Variants in DNAH3 observed in about 807,000 individuals in gnomAD.
DNAH3 encodes dynein axonemal heavy chain 3.
A neutral mutation model predicts 432.5 loss-of-function variants in DNAH3; 332 were observed. The ratio of observed to expected loss-of-function variants is 0.77; its 90% CI spans 0.70 to 0.84. DNAH3 has a LOEUF of 0.84. DNAH3 is among the 40% of genes least tolerant of loss of function. DNAH3 has a pLI of 0.00. For missense variants in DNAH3, 4,861 were observed against 5,114.0 expected, an observed-to-expected ratio of 0.95 and a Z score of 1.51; for synonymous variants, 1,956 against 1,900.2, an observed-to-expected ratio of 1.03 and a Z score of -0.76.
In DNAH3 at chr16:21,022,049, G is replaced by A. The variant is rs768451764; in HGVS notation, c.5698C>T (p.Leu1900Phe). 38 of 1,614,020 alleles carry A rather than the reference G, an allele frequency of 2.4e-5. No individual in the cohort carries two copies. In the South Asian group the frequency reaches 3.0e-4, roughly 13 times the overall value. The change falls in exon 40 of 62, where the codon CTT becomes TTT. Residue 1900 changes from leucine to phenylalanine, a missense_variant. Coordinates refer to ENST00000261383, the Ensembl canonical transcript of DNAH3. Reference sequence around the variant, plus strand: ...GTCTGGACAACAAATTTACAATGAAGGCGACCAAATTCCAGGCAGGGCTGG... The same window carrying A: ...GTCTGGACAACAAATTTACAATGAAAGCGACCAAATTCCAGGCAGGGCTGG...
intron 14 of DNAH3, among the ~76,000 whole-genome samples, chr16:21,108,489 A>G (rs1034950334): frequency 1.3e-5 from 2 of 152,158 alleles, no homozygotes; most frequent in African/African-American, 4.8e-5. Flanking sequence ...CACGCCTGTA[A>G]TCCCAGCAGT....
chr16:20,965,403 C>T lies in DNAH3; in HGVS notation c.8481G>A (p.Trp2827Ter). ...CCCCAAGAATCTTTTTGGATACCCC[C>T]CAGTAATCTTCTATCATCTTACCTA... Residue 2827 changes from tryptophan to a stop codon, truncating the protein, a stop_gained, in exon 53 of 62, where the codon TGG (tryptophan) becomes TGA (stop). Transcript: ENST00000261383. LOFTEE classifies it high-confidence loss of function. 6 of 1,525,720 alleles carry T rather than the reference C, an allele frequency of 3.9e-6. No homozygotes were observed. Among genetic ancestry groups the T allele is most frequent in the Non-Finnish European group, 5.3e-6 (6 of 1,136,890 alleles). 94.5% of individuals were successfully genotyped at this position (1,525,720 alleles called of 1,614,324 possible).
intron 12 of DNAH3, among the ~76,000 whole-genome samples, chr16:21,113,242 G>A (rs2092113465): frequency 6.6e-6 from 1 of 152,168 alleles, no homozygotes; most frequent in East Asian, 1.9e-4. Flanking sequence ...CCCAGGGGGA[G>A]GTAGTTGAAT....
At chr16:21,014,052 A>T (rs2087744409) in intron 41 of DNAH3, among the ~76,000 whole-genome samples, 1 of 152,234 alleles carries the variant, frequency 6.6e-6, no homozygotes, top group Non-Finnish European at 1.5e-5. Flanking sequence ...TAGAGAAAAT[A>T]GAAGCAGAGG....
chr16:21,002,633 G>T (rs1377409846), intron 42 of DNAH3, among the ~76,000 whole-genome samples: 1 of 151,962 alleles, frequency 6.6e-6, no homozygotes, highest in Non-Finnish European at 1.5e-5. Context: ...AGCTAATTTT[G>T]TATTTTTAGT....
intron 57 of DNAH3, 111 bp from the exon 58 acceptor site, chr16:20,944,774 AGG>A: frequency 3.5e-6 from 3 of 856,366 alleles, no homozygotes; most frequent in Non-Finnish European, 5.5e-6. Context: ...TCAGTAGCAC[AGG>A]ACACACACAC....
chr16:21,060,199 C>T, intron 26 of DNAH3, 65 bp downstream of exon 26: 1 of 1,335,392 alleles, frequency 7.5e-7, no homozygotes, highest in South Asian at 1.2e-5. Context: ...GACACATGAA[C>T]CTTCTCCCCA....
chr16:21,050,083 C>G, intron 29 of DNAH3, 65 bp from the exon 30 acceptor site: 1 of 1,212,104 alleles, frequency 8.3e-7, no homozygotes, highest in Non-Finnish European at 1.2e-6. Flanking sequence ...ACCGGCTTTT[C>G]ATTTATTTTG....
chr16:21,132,716 T>C (rs1369658807), intron 7 of DNAH3, among the ~76,000 whole-genome samples: 1 of 152,100 alleles, frequency 6.6e-6, no homozygotes, highest in Non-Finnish European at 1.5e-5. Flanking sequence ...GAAAATCACT[T>C]AGTGGTTGGG....
intron 7 of DNAH3, 197 bp downstream of exon 8, chr16:21,134,062 G>A (rs1375738186): frequency 2.5e-5 from 13 of 527,656 alleles, no homozygotes; most frequent in Non-Finnish European, 4.0e-5. Context: ...GGGTGCCCTG[G>A]GGACACAAAG....
At chr16:21,118,436 T>C (rs944577813) in intron 11 of DNAH3, among the ~76,000 whole-genome samples, 8 of 144,786 alleles carry the variant, frequency 5.5e-5, no homozygotes, top group Non-Finnish European at 1.3e-4. Context: ...CTTCTTTTTA[T>C]TTATTTATTT....
At position 21,145,988 on chromosome 16, in the gene DNAH3, T is replaced by TA. The variant is rs1567872830; in HGVS notation, c.217dup (p.Tyr73LeufsTer36). The TA allele has an allele frequency of 9.3e-6, 15 of 1,607,186 alleles. No homozygotes were observed. Among genetic ancestry groups the TA allele is most frequent in the African/African-American group, 2.7e-5 (2 of 74,864 alleles). On this transcript the variant is annotated frameshift_variant, in exon 2 of 62. Coordinates refer to ENST00000261383, the Ensembl canonical transcript of DNAH3. LOFTEE classifies it high-confidence loss of function. ...CTGGCAGCCAGGTGTGCATACCTGA[T>TA]AGAGTCCAGACGGTTCCTCATTAGC... is the stretch of plus-strand genomic sequence containing the variant.
chr16:20,970,778 C>T (rs575452133), intron 51 of DNAH3, among the ~76,000 whole-genome samples: 1 of 151,744 alleles, frequency 6.6e-6, no homozygotes, highest in Non-Finnish European at 1.5e-5. Flanking sequence ...CAAACCATTG[C>T]GCTTGTGAAT....
chr16:21,145,340 A>G, exon 3 of DNAH3: 1 of 1,614,164 alleles, frequency 6.2e-7, no homozygotes, highest in Admixed American at 1.7e-5. Context: ...TGTTCTTTGA[A>G]GGGTGCAGCC....
intron 56 of DNAH3, among the ~76,000 whole-genome samples, chr16:20,951,738 ATTTTT>A (rs869256566): frequency 1.4e-5 from 1 of 73,460 alleles, no homozygotes; most frequent in Non-Finnish European, 2.7e-5. Context: ...CCTGGCCCGT[ATTTTT>A]TTTTTTTTTT....
At chr16:21,010,934 AAAC>A (rs1341082722) in intron 41 of DNAH3, among the ~76,000 whole-genome samples, 2 of 151,782 alleles carry the variant, frequency 1.3e-5, no homozygotes, top group Non-Finnish European at 2.9e-5. Context: ...TTTTTAAAAA[AAAC>A]AAGCTGCTGC....
exon 3 of DNAH3, chr16:21,145,388 A>C (rs774113189): frequency 6.2e-7 from 1 of 1,614,152 alleles, no homozygotes; most frequent in South Asian, 1.1e-5. Flanking sequence ...GGCGGGTAAA[A>C]GCTGTGTGAC....
chr16:21,021,962 A>G lies in DNAH3; in HGVS notation c.5776+9T>C, dbSNP rs940084673. Reference sequence around the variant, plus strand: ...CCCATGTGGCTTAAGAATCATGGCTAGCACTTACCAAGCAGAGAAGAGTAC... The same window carrying G: ...CCCATGTGGCTTAAGAATCATGGCTGGCACTTACCAAGCAGAGAAGAGTAC... On this transcript the variant is annotated intron_variant, in intron 40 of 61. Transcript: ENST00000261383. 6.2e-7 allele frequency: 1 copy of G among 1,613,668 alleles called. No homozygotes were observed. Among genetic ancestry groups the G allele is most frequent in the Non-Finnish European group, 8.5e-7 (1 of 1,179,894 alleles).
intron 3 of DNAH3, among the ~76,000 whole-genome samples, chr16:21,144,324 C>T (rs1832038397): frequency 6.6e-6 from 1 of 152,166 alleles, no homozygotes; most frequent in Non-Finnish European, 1.5e-5. Context: ...CTCTTGCTGG[C>T]TCTCTCTCTT....
Sources: allele counts gnomAD v4.1 joint callset (sites outside exome capture counted in the v4.1 genomes callset), GRCh38; gene constraint gnomAD v4.1.1; transcripts MANE v1.5; gene names NCBI Gene and HGNC (gene_info 2026-07-23, HGNC 2026-07-21).